SPATA13: variants seen among roughly 807,000 people sequenced by gnomAD.
SPATA13 encodes the protein spermatogenesis-associated protein 13.
SPATA13 carries 50 observed loss-of-function variants against 104.0 expected under a neutral mutation model. The ratio of observed to expected loss-of-function variants is 0.48; its 90% CI spans 0.38 to 0.61. SPATA13 has a LOEUF of 0.61. SPATA13 is among the 20% of genes least tolerant of loss of function. The pLI is 0.00. For synonymous variants in SPATA13, 606 were observed against 667.5 expected, an observed-to-expected ratio of 0.91 and a Z score of 1.42; for missense variants, 1,524 against 1,690.6, an observed-to-expected ratio of 0.90 and a Z score of 1.73.
intron 3 of SPATA13, among the ~76,000 whole-genome samples, chr13:24,086,023 G>C (rs1226670976): frequency 2.6e-5 from 4 of 151,358 alleles, no homozygotes; most frequent in African/African-American, 9.7e-5. Context: ...CTGGGTTAGA[G>C]GACATCTGTT....
chr13:24,076,887 C>T (rs906362788), intron 3 of SPATA13, among the ~76,000 whole-genome samples: 5 of 151,966 alleles, frequency 3.3e-5, no homozygotes, highest in East Asian at 1.9e-4. Context: ...CTTGGATTCA[C>T]GGCCAGATGG....
intron 3 of SPATA13, 78 bp downstream of exon 3, chr13:24,249,920 T>C: frequency 1.3e-6 from 2 of 1,502,724 alleles, no homozygotes; most frequent in Non-Finnish European, 1.8e-6. Context: ...CACACTAAAC[T>C]GGATCTGCTT....
At chr13:24,279,176 G>A (rs1464097203) in intron 4 of SPATA13, among the ~76,000 whole-genome samples, 1 of 152,190 alleles carries the variant, frequency 6.6e-6, no homozygotes, top group African/African-American at 2.4e-5. Flanking sequence ...GAGAGTGAGG[G>A]TTGTGGTTTT....
In SPATA13 at chr13:24,041,491, A is replaced by G. The variant is rs1303617080; in HGVS notation, c.-112+23790A>G. On this transcript the variant is annotated intron_variant, in intron 3 of 14. Transcript: ENST00000424834. Reference sequence around the variant, plus strand: ...TGTGAAAGATATCGTCATATAACAGATAAAGCTAAACAAAATGTCAGTATC... The same window carrying G: ...TGTGAAAGATATCGTCATATAACAGGTAAAGCTAAACAAAATGTCAGTATC... Among the ~76,000 whole-genome samples the G allele has an allele frequency of 2.0e-5, 3 of 152,256 alleles. No individual in the cohort carries two copies. In the East Asian group the frequency reaches 5.8e-4, roughly 29 times the overall value.
intron 2 of SPATA13, among the ~76,000 whole-genome samples, chr13:24,012,884 C>T (rs191671831): frequency 6.6e-6 from 1 of 152,290 alleles, no homozygotes; most frequent in African/African-American, 2.4e-5. Context: ...GGGCTGGGCT[C>T]CCTCCTGTGG....
At chr13:24,149,518 C>T (rs530191499) in intron 3 of SPATA13, among the ~76,000 whole-genome samples, 2 of 152,314 alleles carry the variant, frequency 1.3e-5, no homozygotes, top group South Asian at 2.1e-4. Context: ...GAGACAATCC[C>T]TGGTTGACTC....
At chr13:23,982,532 C>G (rs993512641) in intron 1 of SPATA13, among the ~76,000 whole-genome samples, 15 of 152,016 alleles carry the variant, frequency 9.9e-5, no homozygotes, top group African/African-American at 3.4e-4. Context: ...TTTATAGATA[C>G]TATCCTGAGT....
At position 24,120,202 on chromosome 13, in the gene SPATA13, A is replaced by G. The variant is rs562421392; in HGVS notation, c.-112+102501A>G. The stretch of plus-strand genomic sequence containing the variant: ...TGGGATTCTGTTTCCGCCTCTGAAA[A>G]AAAAATCAGGATTCTACTACTACTG... On this transcript the variant is annotated intron_variant, in intron 3 of 14. Transcript: ENST00000424834. 1.2e-3 allele frequency among the ~76,000 whole-genome samples: 179 copies of G among 151,660 alleles called. 1 individual carries two copies. Among genetic ancestry groups the G allele is most frequent in the Non-Finnish European group, 1.7e-3 (114 of 68,018 alleles).
At chr13:23,996,334 G>C (rs1323118665) in intron 2 of SPATA13, among the ~76,000 whole-genome samples, 1 of 152,158 alleles carries the variant, frequency 6.6e-6, no homozygotes, top group Non-Finnish European at 1.5e-5. Context: ...AGAGAATGGT[G>C]AGAAGGGCAT....
At position 24,011,454 on chromosome 13, in the gene SPATA13, C is replaced by T. The variant is rs1876467092; in HGVS notation, c.-146-6213C>T. ...CCTGGAGAATGTGGCGACCCAGCAG[C>T]AGGTGGTTGAGAGTGTCCCTGCTGG... On this transcript the variant is annotated intron_variant, in intron 2 of 14. Transcript: ENST00000424834. This position sits in a 1 kb window ranked among gnomAD's most constrained non-coding sequence, Gnocchi z 4.3. 1.3e-5 allele frequency among the ~76,000 whole-genome samples: 2 copies of T among 152,228 alleles called. No individual in the cohort carries two copies. Among genetic ancestry groups the T allele is most frequent in the African/African-American group, 2.4e-5 (1 of 41,460 alleles).
chr13:24,125,759 G>A (rs967436817), intron 3 of SPATA13, among the ~76,000 whole-genome samples: 2 of 152,144 alleles, frequency 1.3e-5, no homozygotes, highest in Admixed American at 6.5e-5. Context: ...GGAAAGTTGC[G>A]CTTTGAAGGA....
intron 3 of SPATA13, among the ~76,000 whole-genome samples, chr13:24,113,494 C>T (rs1880714923): frequency 6.6e-6 from 1 of 152,008 alleles, no homozygotes; most frequent in Admixed American, 6.6e-5. Flanking sequence ...GTCCCAGCTG[C>T]TCGGGAGGCT....
intron 1 of SPATA13, among the ~76,000 whole-genome samples, chr13:23,982,928 A>C (rs569638179): frequency 9.2e-5 from 14 of 152,298 alleles, no homozygotes; most frequent in Non-Finnish European, 1.9e-4. Context: ...TCACCTCCTC[A>C]AGGCTGCTCT....
intron 2 of SPATA13, among the ~76,000 whole-genome samples, chr13:24,230,957 G>C (rs1033836143): frequency 6.6e-6 from 1 of 152,158 alleles, no homozygotes; most frequent in Non-Finnish European, 1.5e-5. Flanking sequence ...GGTCTAATTT[G>C]CATAACATCA....
At chr13:24,091,181 C>G (rs1230696759) in intron 3 of SPATA13, among the ~76,000 whole-genome samples, 1 of 152,228 alleles carries the variant, frequency 6.6e-6, no homozygotes, top group Non-Finnish European at 1.5e-5. Flanking sequence ...CCTGACCTCT[C>G]TGCTAGGAAT....
chr13:24,283,272 T>C (rs1875684925), intron 4 of SPATA13, among the ~76,000 whole-genome samples: 1 of 152,238 alleles, frequency 6.6e-6, no homozygotes, highest in Non-Finnish European at 1.5e-5. Context: ...TCGGGTTTTA[T>C]TGCATCCCCT....
intron 1 of SPATA13, among the ~76,000 whole-genome samples, chr13:24,181,662 A>AG (rs1868815781): frequency 6.6e-6 from 1 of 152,206 alleles, no homozygotes; most frequent in Non-Finnish European, 1.5e-5. Flanking sequence ...GAAGGTCTTC[A>AG]GGGGAAGTAA....
intron 2 of SPATA13, among the ~76,000 whole-genome samples, chr13:23,985,931 T>G (rs543937734): frequency 6.6e-6 from 1 of 152,238 alleles, no homozygotes; most frequent in South Asian, 2.1e-4. Context: ...CCAGCCTGGG[T>G]ACTAAGTATC....
rs147723800 is a variant in SPATA13 at position 24,020,203 on chromosome 13, A to G, written c.-112+2502A>G. Among the ~76,000 whole-genome samples the G allele has an allele frequency of 2.0e-5, 3 of 152,276 alleles. No individual in the cohort carries two copies. In the East Asian group the frequency reaches 5.8e-4, roughly 29 times the overall value. ...ATTTTTTTGAGATCTGTGTGTTTTAATGTTTTGGTATTTTACTTAGTTCCT... is the reference window on the plus strand; with the variant it reads ...ATTTTTTTGAGATCTGTGTGTTTTAGTGTTTTGGTATTTTACTTAGTTCCT... On this transcript the variant is annotated intron_variant, in intron 3 of 14. Coordinates refer to the SPATA13 transcript ENST00000424834.
Sources: allele counts gnomAD v4.1 joint callset (sites outside exome capture counted in the v4.1 genomes callset), GRCh38; gene constraint gnomAD v4.1.1; non-coding constraint Gnocchi (gnomAD v3.1); transcripts MANE v1.5; gene names NCBI Gene and HGNC (gene_info 2026-07-23, HGNC 2026-07-21).